The following MEF2D variants were observed in gnomAD, a reference collection of about 807,000 sequenced individuals.
The protein encoded by MEF2D is myocyte enhancer factor 2D, also known as myocyte-specific enhancer factor 2D.
Under a neutral mutation model 59.3 loss-of-function variants are expected in MEF2D, and 10 were observed. That is an observed-to-expected ratio of 0.17 (90% CI 0.10 to 0.29). The LOEUF (loss-of-function observed/expected upper bound fraction) is 0.29, where lower values mean the gene tolerates loss of function less well. Ranked by LOEUF, MEF2D falls within the 10% of genes least tolerant of loss-of-function variation. The pLI is 1.00. For synonymous variants in MEF2D, 305 were observed against 295.0 expected (o/e 1.03, Z -0.35); for missense variants, 508 against 699.4 (o/e 0.73, Z 3.09).
rs1287302973 is a variant in MEF2D, at chr1:156,475,226, C to G, written c.888G>C (p.Gln296His). Residue 296 changes from glutamine to histidine, a missense_variant, in exon 9 of 12, where the codon CAG (glutamine) becomes CAC (histidine). Around this residue, in one of 2 missense-constraint regions of MEF2D, gnomAD observed 481 missense variants for 584.7 expected, o/e 0.82. Coordinates refer to ENST00000348159, the MANE Select transcript of MEF2D (RefSeq NM_005920.4). ...GAGTAGACTGGGAGACCCCAAGGCGCTGGGCATTGTTCTGTAGGAGAAAAC... is the reference window on the plus strand; with the variant it reads ...GAGTAGACTGGGAGACCCCAAGGCGGTGGGCATTGTTCTGTAGGAGAAAAC... ...TEDHLDLNNA[Q>H]RLGVSQSTHS... The G allele has an allele frequency of 1.2e-6, 2 of 1,611,056 alleles. No individual in the cohort carries two copies. The highest frequency in any genetic ancestry group is 1.7e-4 in the Middle Eastern group (1 of 6,004).
At chr1:156,484,772 A>G (rs1171560) in intron 1 of MEF2D, among the ~76,000 whole-genome samples, 129,962 of 152,184 alleles carry the variant, frequency 0.85, 56,099 homozygotes, top group East Asian at 1. Flanking sequence ...CCATAGGATA[A>G]GAGGGGGCTC....
intron 1 of MEF2D, among the ~76,000 whole-genome samples, chr1:156,489,759 TGGACCCAGACACAGCCCCAGAA>T (rs1672634808): frequency 6.6e-6 from 1 of 152,120 alleles, no homozygotes; most frequent in South Asian, 2.1e-4. Flanking sequence ...GGGCCTGGAC[TGGACCCAGACACAGCCCCAGAA>T]GGAGCATCCC....
chr1:156,490,783 T>C (rs549607912), intron 1 of MEF2D, among the ~76,000 whole-genome samples: 1 of 152,266 alleles, frequency 6.6e-6, no homozygotes, highest in African/African-American at 2.4e-5. Flanking sequence ...GCAAGTCTCC[T>C]GGGATGGGGT....
intron 9 of MEF2D, among the ~76,000 whole-genome samples, chr1:156,473,643 G>A (rs1292161643): frequency 6.6e-6 from 1 of 152,228 alleles, no homozygotes; most frequent in Non-Finnish European, 1.5e-5. Flanking sequence ...ATCACAGACT[G>A]TTCCTGCGCA....
In MEF2D at chr1:156,482,560, G is replaced by A; in HGVS notation, c.135C>T (p.Leu45=). Reference sequence around the variant, plus strand: ...GCTTGTTGGAGTGGTTGAAGATGATGAGTGCGATCTCGCAGTCACATAGCA... The same window carrying A: ...GCTTGTTGGAGTGGTTGAAGATGATAAGTGCGATCTCGCAGTCACATAGCA... ...LSVLCDCEIA[L]IIFNHSNKLF... The change falls in exon 3 of 12, where the codon CTC becomes CTT. Residue 45 remains leucine, a synonymous_variant. Transcript: ENST00000348159. 6.2e-7 allele frequency: 1 copy of A among 1,614,264 alleles called. No homozygotes were observed. Among genetic ancestry groups the A allele is most frequent in the Non-Finnish European group, 8.5e-7 (1 of 1,180,050 alleles).
At chr1:156,480,324 C>G (rs1321508732) in intron 4 of MEF2D, among the ~76,000 whole-genome samples, 3 of 152,156 alleles carry the variant, frequency 2.0e-5, no homozygotes, top group African/African-American at 7.2e-5. Flanking sequence ...GCTATCAGAG[C>G]AAGCCCAAGC....
chr1:156,471,425 G>A (rs1043355520), intron 9 of MEF2D, among the ~76,000 whole-genome samples: 6 of 152,160 alleles, frequency 3.9e-5, no homozygotes, highest in African/African-American at 1.2e-4. Flanking sequence ...CACCGCGCCC[G>A]GCCAGAATCA....
intron 7 of MEF2D, 41 bp from the exon 8 acceptor site, chr1:156,476,555 G>A: frequency 6.2e-7 from 1 of 1,601,996 alleles, no homozygotes; most frequent in Non-Finnish European, 8.5e-7. Flanking sequence ...TCAGTCTCTG[G>A]CCGCTGCCCT....
chr1:156,500,050 G>C (rs773509015), intron 1 of MEF2D, among the ~76,000 whole-genome samples: 8 of 152,110 alleles, frequency 5.3e-5, no homozygotes, highest in South Asian at 2.1e-4. Context: ...AAGGAGGAGG[G>C]AACAGGCGGC....
intron 9 of MEF2D, among the ~76,000 whole-genome samples, chr1:156,473,430 T>G (rs1291209085): frequency 1.3e-5 from 2 of 152,156 alleles, no homozygotes; most frequent in Non-Finnish European, 2.9e-5. Context: ...AGTCTTTTGG[T>G]CCAGACTAAA....
rs1055315384 is a variant in MEF2D at position 156,468,753 on chromosome 1, C to T, written c.1247+27G>A. 16 of 1,597,298 alleles carry T rather than the reference C, an allele frequency of 1.0e-5. No homozygotes were observed. Among genetic ancestry groups the T allele is most frequent in the African/African-American group, 1.3e-5 (1 of 74,640 alleles). ...CCGTTCAATTCTCCCTTCCCACACA[C>T]TCACATGCAGTCTCCCCAGGACTCA... is the stretch of plus-strand genomic sequence containing the variant. On this transcript the variant is annotated intron_variant, in intron 10 of 11. Coordinates refer to ENST00000348159, the MANE Select transcript of MEF2D (RefSeq NM_005920.4). This position sits in a 1 kb window ranked among gnomAD's most constrained non-coding sequence, Gnocchi z 4.3.
chr1:156,471,581 G>A (rs561310677), intron 9 of MEF2D, among the ~76,000 whole-genome samples: 2 of 152,304 alleles, frequency 1.3e-5, no homozygotes, highest in Admixed American at 1.3e-4. Context: ...ACTACTGGGA[G>A]GCTTGGCTCC....
At chr1:156,498,782 G>A (rs1434538280) in intron 1 of MEF2D, among the ~76,000 whole-genome samples, 1 of 152,150 alleles carries the variant, frequency 6.6e-6, no homozygotes, top group Admixed American at 6.5e-5. Flanking sequence ...GGGGCAAGTG[G>A]GGAAGGAGCT....
At chr1:156,467,766 G>T in intron 11 of MEF2D, 110 bp from the exon 12 acceptor site, 1 of 1,189,072 alleles carries the variant, frequency 8.4e-7, no homozygotes, top group Non-Finnish European at 1.1e-6. Flanking sequence ...GGCAGGGCCA[G>T]CTGTGAGGGG....
chr1:156,477,348 C>T (rs959901793), intron 6 of MEF2D, 146 bp from the exon 7 acceptor site: 2 of 657,424 alleles, frequency 3.0e-6, no homozygotes, highest in Admixed American at 6.3e-5. Context: ...ATCTGATATT[C>T]CCTGAACACT....
rs1309510064 is a variant in MEF2D at position 156,483,376 on chromosome 1, C to T, written c.-84G>A. 40 of 1,302,870 alleles carry T rather than the reference C, an allele frequency of 3.1e-5. No homozygotes were observed. Among genetic ancestry groups the T allele is most frequent in the Middle Eastern group, 1.8e-4 (1 of 5,474 alleles). 80.7% of individuals were successfully genotyped at this position (1,302,870 alleles called of 1,614,324 possible). ...GCACACCTTACACTGTGCTCATGAA[C>T]GGTCTGGGAACAGTGCTCAGTTCAT... On this transcript the variant is annotated 5_prime_UTR_variant, in exon 2 of 12. Transcript: ENST00000348159.
intron 9 of MEF2D, among the ~76,000 whole-genome samples, chr1:156,472,315 A>G (rs1671281168): frequency 6.6e-6 from 1 of 152,204 alleles, no homozygotes; most frequent in Non-Finnish European, 1.5e-5. Context: ...ACGGGCCCAC[A>G]GCGTGTGTCT....
chr1:156,477,328 G>A, intron 6 of MEF2D, 126 bp from the exon 7 acceptor site: 1 of 758,160 alleles, frequency 1.3e-6, no homozygotes, highest in Non-Finnish European at 2.1e-6. Context: ...CTTTGAGTGG[G>A]GGCTGAGCTA....
chr1:156,468,750 ACACT>A lies in MEF2D; in HGVS notation c.1247+26_1247+29del, dbSNP rs1175996384. On this transcript the variant is annotated intron_variant, in intron 10 of 11. Coordinates refer to ENST00000348159, the MANE Select transcript of MEF2D (RefSeq NM_005920.4). The surrounding 1 kb of genome is among the most constrained non-coding windows in gnomAD (Gnocchi z 4.3). ...TTCCCGTTCAATTCTCCCTTCCCACACACTCACATGCAGTCTCCCCAGGACTCAC... is the reference window on the plus strand; with the variant it reads ...TTCCCGTTCAATTCTCCCTTCCCACACACATGCAGTCTCCCCAGGACTCAC... The A allele has an allele frequency of 6.3e-7, 1 of 1,594,194 alleles. No individual in the cohort carries two copies. The highest frequency in any genetic ancestry group is 1.1e-5 in the South Asian group (1 of 90,312).
Sources: allele counts gnomAD v4.1 joint callset (sites outside exome capture counted in the v4.1 genomes callset), GRCh38; gene constraint gnomAD v4.1.1; regional missense constraint gnomAD v4.1.1; non-coding constraint Gnocchi (gnomAD v3.1); transcripts MANE v1.5; gene names NCBI Gene and HGNC (gene_info 2026-07-23, HGNC 2026-07-21).